SH2D4B: variants seen among roughly 807,000 people sequenced by gnomAD.
SH2D4B encodes SH2 domain containing 4B.
Under a neutral mutation model 61.5 loss-of-function variants are expected in SH2D4B, and 45 were observed. That is an observed-to-expected ratio of 0.73 (90% CI 0.58 to 0.94). The LOEUF is 0.94. SH2D4B is among the 40% of genes least tolerant of loss of function. The pLI is 0.00. For synonymous variants in SH2D4B, 224 were observed against 220.4 expected (o/e 1.02, Z -0.14); for missense variants, 572 against 574.2 (o/e 1.00, Z 0.04).
At position 80,537,929 on chromosome 10, in the gene SH2D4B, C is replaced by A. The variant is rs554611346; in HGVS notation, c.-403C>A. ...TAACAGATCACTCGACACCTACCAG[C>A]CCAGGCAGGGCTGGGACTGGGCATT... is the stretch of plus-strand genomic sequence containing the variant. On this transcript the variant is annotated 5_prime_UTR_variant, in exon 1 of 8. Coordinates refer to ENST00000646907, the MANE Select transcript of SH2D4B (RefSeq NM_001388272.1). 6.5e-6 allele frequency: 1 copy of A among 154,072 alleles called. No homozygotes were observed. The highest frequency in any genetic ancestry group is 1.4e-5 in the Non-Finnish European group (1 of 69,312). 9.5% of individuals were successfully genotyped at this position (154,072 alleles called of 1,614,324 possible).
intron 3 of SH2D4B, among the ~76,000 whole-genome samples, chr10:80,576,048 G>T (rs1842121696): frequency 6.6e-6 from 1 of 152,206 alleles, no homozygotes; most frequent in Admixed American, 6.5e-5. Context: ...CCACATGGGG[G>T]CTGAGCTCCA....
At chr10:80,610,744 G>A (rs895398306) in intron 6 of SH2D4B, among the ~76,000 whole-genome samples, 5 of 152,074 alleles carry the variant, frequency 3.3e-5, no homozygotes, top group African/African-American at 1.2e-4. Context: ...GATATACCTC[G>A]GTCACAAATG....
At chr10:80,640,877 T>G (rs1840279909) in intron 7 of SH2D4B, among the ~76,000 whole-genome samples, 1 of 152,190 alleles carries the variant, frequency 6.6e-6, no homozygotes, top group Non-Finnish European at 1.5e-5. Context: ...GGCGCTCTGG[T>G]TTTTAGAATT....
At chr10:80,562,944 C>T (rs1037518497) in intron 1 of SH2D4B, among the ~76,000 whole-genome samples, 3 of 138,134 alleles carry the variant, frequency 2.2e-5, no homozygotes, top group Admixed American at 7.6e-5. Flanking sequence ...CTCTGTCGCC[C>T]AGGCTGGAGT....
intron 7 of SH2D4B, among the ~76,000 whole-genome samples, chr10:80,643,664 A>G (rs1589368286): frequency 2.0e-5 from 3 of 152,084 alleles, no homozygotes; most frequent in Non-Finnish European, 1.5e-5. Context: ...GCAAACACCT[A>G]CTGGAGTCCC....
intron 1 of SH2D4B, among the ~76,000 whole-genome samples, chr10:80,542,213 C>T (rs1054904477): frequency 2.0e-5 from 3 of 151,946 alleles, no homozygotes; most frequent in African/African-American, 7.3e-5. Flanking sequence ...TCCTTGGCCA[C>T]CACAGGAATG....
At position 80,609,515 on chromosome 10, in the gene SH2D4B, G is replaced by A. The variant is rs772363476; in HGVS notation, c.952G>A (p.Glu318Lys). ...EEQLPRRAGF[E>K]RNTKFIAPWF... ...GCAGCTGCCTCGCCGAGCTGGCTTC[G>A]AGAGGAACACCAAGTTCATCGCCCC... The change falls in exon 6 of 8, where the codon GAG (glutamate) becomes AAG (lysine). Residue 318 changes from glutamate to lysine, a missense_variant. By Grantham distance (56) the Glu-to-Lys change is moderately conservative. Transcript: ENST00000646907. 7 of 1,614,196 alleles carry A rather than the reference G, an allele frequency of 4.3e-6. No homozygotes were observed. The highest frequency in any genetic ancestry group is 2.2e-5 in the South Asian group (2 of 91,090).
chr10:80,615,428 G>C (rs1003536070), intron 6 of SH2D4B, among the ~76,000 whole-genome samples: 8 of 152,202 alleles, frequency 5.3e-5, no homozygotes, highest in African/African-American at 1.2e-4. Context: ...GATGGAAACT[G>C]GGACAGAAAA....
chr10:80,628,871 A>G (rs1258156755), intron 6 of SH2D4B, among the ~76,000 whole-genome samples: 2 of 152,010 alleles, frequency 1.3e-5, no homozygotes, highest in Non-Finnish European at 2.9e-5. Flanking sequence ...CTCTACTAAA[A>G]ATACAAAAAT....
At position 80,628,592 on chromosome 10, in the gene SH2D4B, A is replaced by T. The variant is rs1057074454; in HGVS notation, c.989-5693A>T. On this transcript the variant is annotated intron_variant, in intron 6 of 7. Transcript: ENST00000646907. The stretch of plus-strand genomic sequence containing the variant: ...CATAGATTCTCCTTGCAAGCATCCT[A>T]TGCTAATTCTCTTGAGGGGTTGGGT... Among the ~76,000 whole-genome samples the T allele has an allele frequency of 2.0e-5, 3 of 152,206 alleles. No individual in the cohort carries two copies. In the South Asian group the frequency reaches 6.2e-4, roughly 31 times the overall value.
chr10:80,636,246 T>C (rs923251317), intron 7 of SH2D4B, among the ~76,000 whole-genome samples: 7 of 152,214 alleles, frequency 4.6e-5, no homozygotes, highest in African/African-American at 7.2e-5. Context: ...TGAATAGTGC[T>C]GCAATAAACA....
intron 1 of SH2D4B, among the ~76,000 whole-genome samples, chr10:80,547,696 G>C (rs1467766042): frequency 6.6e-6 from 1 of 152,134 alleles, no homozygotes; most frequent in African/African-American, 2.4e-5. Context: ...AATATTCAAG[G>C]AACAATTCTC....
intron 7 of SH2D4B, among the ~76,000 whole-genome samples, chr10:80,642,574 A>T (rs768708610): frequency 2.0e-5 from 3 of 152,240 alleles, no homozygotes; most frequent in Non-Finnish European, 4.4e-5. Flanking sequence ...AGATATATCT[A>T]TGAGCTCTTC....
intron 1 of SH2D4B, chr10:80,540,922 C>T (rs778208985): frequency 5.6e-5 from 87 of 1,548,924 alleles, no homozygotes; most frequent in Admixed American, 9.8e-5. Context: ...TCAGGAGGCT[C>T]TCCAGATGCT....
intron 1 of SH2D4B, among the ~76,000 whole-genome samples, chr10:80,562,073 A>T (rs1417841711): frequency 6.6e-6 from 1 of 151,728 alleles, no homozygotes; most frequent in African/African-American, 2.4e-5. Context: ...ATATATAAAA[A>T]TTCCAAAATC....
chr10:80,618,228 G>A (rs1299061326), intron 6 of SH2D4B, among the ~76,000 whole-genome samples: 1 of 152,206 alleles, frequency 6.6e-6, no homozygotes, highest in Non-Finnish European at 1.5e-5. Flanking sequence ...AAACAATCAT[G>A]CCATAAATGT....
intron 1 of SH2D4B, among the ~76,000 whole-genome samples, chr10:80,542,026 T>G (rs1444845383): frequency 6.6e-6 from 1 of 152,178 alleles, no homozygotes; most frequent in Non-Finnish European, 1.5e-5. Flanking sequence ...TTGGTAGGTT[T>G]TTTAAATCTA....
At chr10:80,595,472 G>A (rs1450576349) in intron 4 of SH2D4B, among the ~76,000 whole-genome samples, 1 of 152,140 alleles carries the variant, frequency 6.6e-6, no homozygotes, top group Non-Finnish European at 1.5e-5. Context: ...ATGGTCCCTG[G>A]TCCCCTGAAT....
chr10:80,556,911 C>T (rs1841845038), intron 1 of SH2D4B, among the ~76,000 whole-genome samples: 1 of 152,094 alleles, frequency 6.6e-6, no homozygotes. Flanking sequence ...CCTTATTGTA[C>T]TGATTAGGGT....
Sources: gnomAD v4.1 joint callset for allele counts (sites outside exome capture counted in the v4.1 genomes callset) on GRCh38, gnomAD v4.1.1 for gene constraint, MANE v1.5 for transcripts, NCBI Gene and HGNC (gene_info 2026-07-23, HGNC 2026-07-21) for gene names.